Variants in ZFAT observed in about 807,000 individuals in gnomAD.
ZFAT encodes the protein zinc finger protein ZFAT.
A neutral mutation model predicts 117.7 loss-of-function variants in ZFAT; 64 were observed. The ratio of observed to expected loss-of-function variants is 0.54; its 90% CI spans 0.44 to 0.67. The LOEUF (loss-of-function observed/expected upper bound fraction) is 0.67, where lower values mean the gene tolerates loss of function less well. ZFAT is among the 30% of genes least tolerant of loss of function. The probability of loss-of-function intolerance (pLI) is 0.00; values close to 1 mark genes in which losing one functional copy is unlikely to be tolerated. For synonymous variants in ZFAT, 679 were observed against 615.0 expected, an observed-to-expected ratio of 1.10 and a Z score of -1.54; for missense variants, 1,433 against 1,584.5, an observed-to-expected ratio of 0.90 and a Z score of 1.62.
chr8:134,653,184 A>T (rs1330415238), intron 2 of ZFAT, among the ~76,000 whole-genome samples: 1 of 146,136 alleles, frequency 6.8e-6, no homozygotes, highest in Non-Finnish European at 1.5e-5. Flanking sequence ...TTATTATTAT[A>T]ATACTTTAAG....
At chr8:134,723,478 C>G in the ZFAT span, 1 of 152,464 alleles carries the variant, frequency 6.6e-6, no homozygotes, top group African/African-American at 2.4e-5. Flanking sequence ...AGGGAGTGCC[C>G]GCTGGAACCC....
intron 1 of ZFAT, among the ~76,000 whole-genome samples, chr8:134,677,685 A>G (rs1352588595): frequency 6.6e-6 from 1 of 152,258 alleles, no homozygotes; most frequent in African/African-American, 2.4e-5. Context: ...ATGAACATCA[A>G]TACGAAAATT....
At chr8:134,779,817 T>C in the ZFAT span, among the ~76,000 whole-genome samples, 1 of 150,962 alleles carries the variant, frequency 6.6e-6, no homozygotes, top group South Asian at 2.1e-4. Context: ...ACATCAATCT[T>C]TATATCTTCC....
At chr8:134,628,195 T>C (rs1318602027) in intron 3 of ZFAT, among the ~76,000 whole-genome samples, 1 of 152,218 alleles carries the variant, frequency 6.6e-6, no homozygotes, top group Non-Finnish European at 1.5e-5. Context: ...CTCAGGGGGC[T>C]TCTGCATATG....
chr8:134,585,083 T>C (rs1201741254), intron 9 of ZFAT, among the ~76,000 whole-genome samples: 5 of 152,124 alleles, frequency 3.3e-5, no homozygotes, highest in African/African-American at 1.2e-4. Context: ...GAACTTATGT[T>C]TGGGTCATAG....
chr8:134,708,429 C>A (rs12334569), intron 1 of ZFAT, among the ~76,000 whole-genome samples: 4,517 of 151,860 alleles, frequency 0.03, 227 homozygotes, highest in African/African-American at 0.1. Flanking sequence ...TCACATTATA[C>A]CCCGTAAAGA....
intron 11 of ZFAT, among the ~76,000 whole-genome samples, chr8:134,548,450 G>A (rs996898956): frequency 2.6e-5 from 4 of 152,180 alleles, no homozygotes; most frequent in Admixed American, 6.5e-5. Flanking sequence ...AGGGTGAGGC[G>A]GCACGGGAAC....
chr8:134,589,810 G>A (rs748176882), intron 8 of ZFAT, among the ~76,000 whole-genome samples: 2 of 152,244 alleles, frequency 1.3e-5, no homozygotes, highest in Non-Finnish European at 2.9e-5. Flanking sequence ...GACAAGGTAT[G>A]AACACCCAGG....
intron 10 of ZFAT, among the ~76,000 whole-genome samples, chr8:134,581,958 C>T (rs902069726): frequency 6.6e-6 from 1 of 152,156 alleles, no homozygotes; most frequent in African/African-American, 2.4e-5. Context: ...AATACCTCAC[C>T]CTCCCAAAAA....
intron 10 of ZFAT, among the ~76,000 whole-genome samples, chr8:134,573,534 C>T (rs865839337): frequency 6.6e-6 from 1 of 152,194 alleles, no homozygotes; most frequent in Non-Finnish European, 1.5e-5. Flanking sequence ...GAGTGCCAGG[C>T]TTGCTGGAGG....
the ZFAT span, among the ~76,000 whole-genome samples, chr8:134,724,626 C>A: frequency 6.6e-6 from 1 of 152,070 alleles, no homozygotes; most frequent in Non-Finnish European, 1.5e-5. Flanking sequence ...CAACTGGTCT[C>A]GGGTGGTCTG....
At chr8:134,607,420 A>C (rs1184243222) in intron 5 of ZFAT, among the ~76,000 whole-genome samples, 1 of 152,270 alleles carries the variant, frequency 6.6e-6, no homozygotes, top group African/African-American at 2.4e-5. Context: ...TGCATATTTT[A>C]TCTCTTATTC....
At chr8:134,628,252 G>A (rs1159246166) in intron 3 of ZFAT, among the ~76,000 whole-genome samples, 2 of 152,102 alleles carry the variant, frequency 1.3e-5, no homozygotes, top group Admixed American at 6.5e-5. Context: ...AAGGGCAAAC[G>A]GACATCACAA....
At chr8:134,623,579 C>T (rs1285856326) in intron 3 of ZFAT, among the ~76,000 whole-genome samples, 1 of 152,198 alleles carries the variant, frequency 6.6e-6, no homozygotes, top group African/African-American at 2.4e-5. Flanking sequence ...AGGCAGCTCC[C>T]CTCTGCGAAC....
intron 14 of ZFAT, among the ~76,000 whole-genome samples, 174 bp downstream of exon 14, chr8:134,512,301 C>G (rs1209128775): frequency 6.6e-6 from 1 of 152,210 alleles, no homozygotes; most frequent in Non-Finnish European, 1.5e-5. Context: ...TAGAGCATTT[C>G]TGGAGGCAGA....
At chr8:134,515,682 G>A (rs1820204390) in intron 13 of ZFAT, among the ~76,000 whole-genome samples, 2 of 151,982 alleles carry the variant, frequency 1.3e-5, no homozygotes, top group African/African-American at 2.4e-5. Flanking sequence ...ATTTGTTTAA[G>A]TTCCTTGTAG....
At chr8:134,645,796 C>T (rs781774892) in intron 2 of ZFAT, among the ~76,000 whole-genome samples, 1 of 152,188 alleles carries the variant, frequency 6.6e-6, no homozygotes, top group African/African-American at 2.4e-5. Flanking sequence ...AATTCTAATA[C>T]ATATACCGAA....
intron 3 of ZFAT, among the ~76,000 whole-genome samples, chr8:134,629,361 C>T (rs1159199700): frequency 2.0e-5 from 3 of 152,046 alleles, no homozygotes; most frequent in African/African-American, 7.2e-5. Flanking sequence ...AAGAACCATG[C>T]GGCCGTCACT....
the ZFAT span, among the ~76,000 whole-genome samples, chr8:134,824,843 A>G: frequency 6.6e-6 from 1 of 152,252 alleles, no homozygotes; most frequent in Non-Finnish European, 1.5e-5. Flanking sequence ...TTTCTAACCT[A>G]AAAGTCAGAA....
Sources: gnomAD v4.1 joint callset for allele counts (sites outside exome capture counted in the v4.1 genomes callset) on GRCh38, gnomAD v4.1.1 for gene constraint, MANE v1.5 for transcripts, NCBI Gene and HGNC (gene_info 2026-07-23, HGNC 2026-07-21) for gene names.